Variants in RGL1 observed in about 807,000 individuals in gnomAD.
The protein encoded by RGL1 is ral guanine nucleotide dissociation stimulator like 1.
Under a neutral mutation model 95.2 loss-of-function variants are expected in RGL1, and 24 were observed. The observed-to-expected ratio is 0.25, with a 90% CI of 0.18 to 0.35. The LOEUF (loss-of-function observed/expected upper bound fraction) is 0.35. Among genes scored for constraint, RGL1 ranks in the 10% least tolerant of loss-of-function variants. RGL1 has a pLI of 1.00. For synonymous variants in RGL1, 329 were observed against 344.9 expected, an observed-to-expected ratio of 0.95 and a Z score of 0.51; for missense variants, 715 against 936.3, an observed-to-expected ratio of 0.76 and a Z score of 3.08.
intron 2 of RGL1, among the ~76,000 whole-genome samples, chr1:183,813,879 C>T (rs1228340418): frequency 6.6e-6 from 1 of 152,206 alleles, no homozygotes; most frequent in Non-Finnish European, 1.5e-5. Flanking sequence ...CTCAGTCTCA[C>T]TCACTCTCTC....
At chr1:183,854,329 T>A (rs1665005537) in intron 3 of RGL1, among the ~76,000 whole-genome samples, 2 of 152,142 alleles carry the variant, frequency 1.3e-5, no homozygotes, top group South Asian at 4.1e-4. Flanking sequence ...ATCCCTGACC[T>A]CGATCAGCTT....
At chr1:183,784,911 C>A (rs1052320845) in intron 2 of RGL1, among the ~76,000 whole-genome samples, 1 of 152,198 alleles carries the variant, frequency 6.6e-6, no homozygotes, top group Non-Finnish European at 1.5e-5. Context: ...TGCAGGCCCC[C>A]TTCTAATACT....
intron 3 of RGL1, among the ~76,000 whole-genome samples, chr1:183,857,563 T>C (rs1218524286): frequency 2.0e-5 from 3 of 152,174 alleles, no homozygotes; most frequent in African/African-American, 7.2e-5. Context: ...CATCATGCCC[T>C]GTTCAGTTTC....
intron 2 of RGL1, among the ~76,000 whole-genome samples, chr1:183,800,066 G>A (rs1180901862): frequency 6.6e-6 from 1 of 152,128 alleles, no homozygotes; most frequent in Non-Finnish European, 1.5e-5. Context: ...CTCTTGGTTG[G>A]CAAGTCATCC....
chr1:183,924,406 A>G (rs1173334403), intron 17 of RGL1, among the ~76,000 whole-genome samples: 3 of 152,272 alleles, frequency 2.0e-5, no homozygotes, highest in Non-Finnish European at 1.5e-5. Flanking sequence ...CATAAGTGGG[A>G]GTTGAACAAT....
intron 2 of RGL1, among the ~76,000 whole-genome samples, chr1:183,762,093 C>G (rs1192772987): frequency 2.0e-5 from 3 of 152,198 alleles, no homozygotes; most frequent in African/African-American, 4.8e-5. Context: ...AGCATTAAGG[C>G]TGTTTTGCTT....
intron 1 of RGL1, among the ~76,000 whole-genome samples, chr1:183,676,962 A>C (rs913260280): frequency 6.6e-6 from 1 of 151,710 alleles, no homozygotes; most frequent in Non-Finnish European, 1.5e-5. Flanking sequence ...AGCACTTAGC[A>C]ATCCCAAATA....
chr1:183,920,780 C>T (rs145526833), intron 16 of RGL1, among the ~76,000 whole-genome samples: 182 of 152,288 alleles, frequency 1.2e-3, no homozygotes, highest in African/African-American at 4.2e-3. Context: ...ATGAATATGC[C>T]AGATGTTTTG....
intron 4 of RGL1, among the ~76,000 whole-genome samples, chr1:183,873,315 C>T (rs1001955734): frequency 6.6e-6 from 1 of 152,252 alleles, no homozygotes; most frequent in Non-Finnish European, 1.5e-5. Flanking sequence ...CTTGCCACCA[C>T]CATTGGCTAC....
intron 3 of RGL1, among the ~76,000 whole-genome samples, chr1:183,863,418 T>C (rs1483983085): frequency 6.6e-6 from 1 of 152,106 alleles, no homozygotes; most frequent in Non-Finnish European, 1.5e-5. Context: ...ATCCTCTTGC[T>C]GCAGCCTCTT....
intron 2 of RGL1, among the ~76,000 whole-genome samples, chr1:183,820,067 G>A (rs1244713613): frequency 2.6e-5 from 4 of 152,068 alleles, no homozygotes; most frequent in African/African-American, 4.8e-5. Context: ...GATTACAGGC[G>A]TGAGCCACCA....
intron 1 of RGL1, among the ~76,000 whole-genome samples, chr1:183,682,282 T>C (rs1264483568): frequency 6.6e-6 from 1 of 152,250 alleles, no homozygotes; most frequent in Non-Finnish European, 1.5e-5. Context: ...TTTAGATCTT[T>C]CCTGGTTTCT....
intron 2 of RGL1, among the ~76,000 whole-genome samples, chr1:183,765,613 C>T (rs1057403582): frequency 6.6e-6 from 1 of 152,204 alleles, no homozygotes; most frequent in African/African-American, 2.4e-5. Flanking sequence ...ATGAACACAT[C>T]AGCCTTTCAA....
intron 5 of RGL1, 41 bp from the exon 6 acceptor site, chr1:183,883,745 A>G (rs1190380215): frequency 1.9e-6 from 3 of 1,610,584 alleles, no homozygotes; most frequent in South Asian, 1.1e-5. Flanking sequence ...AAGATTATAT[A>G]CACTGGCGCC....
chr1:183,784,958 A>G (rs1297267184), intron 2 of RGL1, among the ~76,000 whole-genome samples: 1 of 152,210 alleles, frequency 6.6e-6, no homozygotes, highest in Non-Finnish European at 1.5e-5. Context: ...CATACAATTA[A>G]TAAACTAATA....
At chr1:183,790,087 A>AT (rs914737961) in intron 2 of RGL1, among the ~76,000 whole-genome samples, 97 of 149,330 alleles carry the variant, frequency 6.5e-4, no homozygotes, top group East Asian at 2.8e-3. Context: ...CACCCAGCTA[A>AT]TTTTTTTTTT....
chr1:183,806,304 C>T (rs1661331555), intron 1 of RGL1, 71 bp from the exon 2 acceptor site: 1 of 1,177,150 alleles, frequency 8.5e-7, no homozygotes, highest in African/African-American at 1.5e-5. Context: ...AGCAAGGCAG[C>T]TGGGATAGAT....
chr1:183,646,843 T>C (rs1650328147), intron 1 of RGL1: 1 of 152,184 alleles, frequency 6.6e-6, no homozygotes, highest in Non-Finnish European at 1.5e-5. Context: ...TACTCACATT[T>C]TGCTGGGTAA....
chr1:183,913,450 C>T (rs924543855), intron 15 of RGL1, among the ~76,000 whole-genome samples: 1 of 152,088 alleles, frequency 6.6e-6, no homozygotes, highest in African/African-American at 2.4e-5. Context: ...CCCACTTCGG[C>T]CTCCCAAAGT....
Sources: gnomAD v4.1 joint callset for allele counts (sites outside exome capture counted in the v4.1 genomes callset) on GRCh38, gnomAD v4.1.1 for gene constraint, MANE v1.5 for transcripts, NCBI Gene and HGNC (gene_info 2026-07-23, HGNC 2026-07-21) for gene names.